Variants in ZNF710 observed in about 807,000 individuals in gnomAD.
The protein encoded by ZNF710 is zinc finger protein 710.
In ZNF710, 13 loss-of-function variants were observed where a neutral mutation model predicts 50.6. The observed-to-expected ratio is 0.26, with a 90% CI of 0.17 to 0.41. The LOEUF (loss-of-function observed/expected upper bound fraction) is 0.41, where lower values mean the gene tolerates loss of function less well. ZNF710 is among the 10% of genes least tolerant of loss of function. The probability of loss-of-function intolerance (pLI) is 1.00; values close to 1 mark genes in which losing one functional copy is unlikely to be tolerated. For missense variants in ZNF710, 721 were observed against 936.6 expected, an observed-to-expected ratio of 0.77 and a Z score of 3.01; for synonymous variants, 383 against 397.0, an observed-to-expected ratio of 0.96 and a Z score of 0.42.
chr15:90,059,867 G>A lies in ZNF710; in HGVS notation c.-28-7243G>A, dbSNP rs908508668. On this transcript the variant is annotated intron_variant, in intron 1 of 4. Coordinates refer to ENST00000268154, the MANE Select transcript of ZNF710 (RefSeq NM_198526.4). This position sits in a 1 kb window ranked among gnomAD's most constrained non-coding sequence, Gnocchi z 4.1. The stretch of plus-strand genomic sequence containing the variant: ...AAATCCCGTGCATGTTTTTCACAGC[G>A]GGTGTACAGGCCTGGAACTTCCTCT... Among the ~76,000 whole-genome samples, 44 of 152,302 alleles carry A rather than the reference G, an allele frequency of 2.9e-4. No individual in the cohort carries two copies. Among genetic ancestry groups the A allele is most frequent in the African/African-American group, 8.2e-4 (34 of 41,566 alleles).
intron 1 of ZNF710, among the ~76,000 whole-genome samples, chr15:90,045,859 A>T (rs1199936441): frequency 6.6e-6 from 1 of 152,154 alleles, no homozygotes; most frequent in Non-Finnish European, 1.5e-5. Context: ...GCGAGGTAGC[A>T]GGGGCCAGGT....
intron 1 of ZNF710, among the ~76,000 whole-genome samples, chr15:90,047,064 G>A (rs1475629293): frequency 6.6e-6 from 1 of 152,228 alleles, no homozygotes; most frequent in Non-Finnish European, 1.5e-5. Flanking sequence ...CGCCCATGAA[G>A]ATGCCCACGC....
At chr15:90,004,237 A>AT (rs1361703231) in intron 1 of ZNF710, among the ~76,000 whole-genome samples, 1 of 152,104 alleles carries the variant, frequency 6.6e-6, no homozygotes, top group Non-Finnish European at 1.5e-5. Flanking sequence ...ACCACCAGAG[A>AT]TTTTGCACTT....
At chr15:90,041,484 G>T (rs530544524) in intron 1 of ZNF710, among the ~76,000 whole-genome samples, 1 of 152,244 alleles carries the variant, frequency 6.6e-6, no homozygotes, top group Admixed American at 6.5e-5. Context: ...GAGCCACTGG[G>T]CCTGGCCACC....
rs11285838 is a variant in ZNF710 at position 90,019,187 on chromosome 15, C to CTTTTTTTTTTTTTTTTTTTTTT, written c.-29+17574_-29+17595dup. ...TGTACCATCTTATTACTTTTTCTTT[C>CTTTTTTTTTTTTTTTTTTTTTT]TTTTTTTTTTTTTTTTTTTTTTGCT... On this transcript the variant is annotated intron_variant, in intron 1 of 4. Transcript: ENST00000268154. 6.7e-4 allele frequency among the ~76,000 whole-genome samples: 60 copies of CTTTTTTTTTTTTTTTTTTTTTT among 89,398 alleles called. 1 individual carries two copies. The highest frequency in any genetic ancestry group is 1.6e-3 in the African/African-American group (36 of 22,412). The allele number at this position is 89,398 out of a possible 152,430, so 58.6% of individuals were successfully genotyped here.
intron 1 of ZNF710, among the ~76,000 whole-genome samples, chr15:90,063,218 G>A (rs933778229): frequency 6.6e-6 from 1 of 152,188 alleles, no homozygotes; most frequent in African/African-American, 2.4e-5. Context: ...CTCCGCGGGT[G>A]CATAGCTGCA....
At chr15:90,063,812 G>A (rs942481747) in intron 1 of ZNF710, among the ~76,000 whole-genome samples, 4 of 152,208 alleles carry the variant, frequency 2.6e-5, no homozygotes, top group Non-Finnish European at 5.9e-5. Flanking sequence ...CCTTATGCCC[G>A]CGCCCTTGAG....
At chr15:90,074,758 A>G (rs1008051844) in intron 4 of ZNF710, 9 of 337,274 alleles carry the variant, frequency 2.7e-5, no homozygotes, top group Non-Finnish European at 4.5e-5. Flanking sequence ...AGAAAGGGGA[A>G]AAAATGGCAG....
chr15:90,003,425 A>G (rs1247528316), intron 1 of ZNF710, among the ~76,000 whole-genome samples: 1 of 152,232 alleles, frequency 6.6e-6, no homozygotes, highest in Non-Finnish European at 1.5e-5. Context: ...TCACTCAGCC[A>G]GCTTTGAAGC....
At chr15:90,014,763 A>G (rs1036091656) in intron 1 of ZNF710, among the ~76,000 whole-genome samples, 2 of 152,124 alleles carry the variant, frequency 1.3e-5, no homozygotes, top group Non-Finnish European at 2.9e-5. Flanking sequence ...CCATCATAAA[A>G]TCAAAGGAGT....
At position 90,009,392 on chromosome 15, in the gene ZNF710, C is replaced by T. The variant is rs575186288; in HGVS notation, c.-29+7778C>T. Reference sequence around the variant, plus strand: ...GGGCTCACAAGCCATCGCTTCCCATCGTGGCTCCATTCTGTAGCTGCAAAT... The same window carrying T: ...GGGCTCACAAGCCATCGCTTCCCATTGTGGCTCCATTCTGTAGCTGCAAAT... On this transcript the variant is annotated intron_variant, in intron 1 of 4. Coordinates refer to ENST00000268154, the MANE Select transcript of ZNF710 (RefSeq NM_198526.4). Among the ~76,000 whole-genome samples, 63 of 152,190 alleles carry T rather than the reference C, an allele frequency of 4.1e-4. 1 individual carries two copies. The highest frequency in any genetic ancestry group is 1.3e-3 in the African/African-American group (53 of 41,512).
At position 90,068,786 on chromosome 15, in the gene ZNF710, T is replaced by C. The variant is rs1475318186; in HGVS notation, c.1458+191T>C. Among the ~76,000 whole-genome samples, 1 of 152,254 alleles carries C rather than the reference T, an allele frequency of 6.6e-6. No individual in the cohort carries two copies. Among genetic ancestry groups the C allele is most frequent in the African/African-American group, 2.4e-5 (1 of 41,470 alleles). On this transcript the variant is annotated intron_variant, in intron 2 of 4. Coordinates refer to ENST00000268154, the MANE Select transcript of ZNF710 (RefSeq NM_198526.4). This position sits in a 1 kb window ranked among gnomAD's most constrained non-coding sequence, Gnocchi z 5.0. ...AAATTAGTTTTTTAAGTAGTAAAGC[T>C]TTATGCATTCAAAAACATGTATTTG...
intron 2 of ZNF710, among the ~76,000 whole-genome samples, chr15:90,070,577 G>A (rs1353274947): frequency 6.6e-6 from 1 of 150,946 alleles, no homozygotes; most frequent in Non-Finnish European, 1.5e-5. Flanking sequence ...AACCCAGGAG[G>A]CAGAGATTCC....
At chr15:90,075,827 A>G (rs1483882595) in intron 4 of ZNF710, 1 of 152,196 alleles carries the variant, frequency 6.6e-6, no homozygotes, top group East Asian at 1.9e-4. Flanking sequence ...TGCTACTCAA[A>G]ATGTGGTAGG....
At chr15:90,075,357 C>T (rs552427320) in intron 4 of ZNF710, 1 of 152,290 alleles carries the variant, frequency 6.6e-6, no homozygotes, top group African/African-American at 2.4e-5. Context: ...CTGGTCTCTA[C>T]AAAAATATTT....
At position 90,011,080 on chromosome 15, in the gene ZNF710, G is replaced by A. The variant is rs143624785; in HGVS notation, c.-29+9466G>A. Among the ~76,000 whole-genome samples, 309 of 152,046 alleles carry A rather than the reference G, an allele frequency of 2.0e-3. 2 individuals carry two copies. The highest frequency in any genetic ancestry group is 7.2e-3 in the African/African-American group (300 of 41,464). On this transcript the variant is annotated intron_variant, in intron 1 of 4. Transcript: ENST00000268154. Reference sequence around the variant, plus strand: ...CAAATAGCTGGGATTACAGGCATGTGCCACCATGCCTGGCTAATCTTTGTA... The same window carrying A: ...CAAATAGCTGGGATTACAGGCATGTACCACCATGCCTGGCTAATCTTTGTA...
intron 1 of ZNF710, among the ~76,000 whole-genome samples, chr15:90,046,035 C>T (rs999793797): frequency 2.2e-4 from 34 of 152,058 alleles, no homozygotes; most frequent in Admixed American, 8.5e-4. Context: ...GTGGGGCTCC[C>T]GTCCAGCCAG....
rs76649664 is a variant in ZNF710 at position 90,032,092 on chromosome 15, G to A, written c.-29+30478G>A. ...GCTCACTGCAACCTCTGGCTCCCAG[G>A]TTCAAGCAATTCTCTTGCCCTCAGC... is the stretch of plus-strand genomic sequence containing the variant. On this transcript the variant is annotated intron_variant, in intron 1 of 4. Coordinates refer to ENST00000268154, the MANE Select transcript of ZNF710 (RefSeq NM_198526.4). Among the ~76,000 whole-genome samples, 11 of 152,360 alleles carry A rather than the reference G, an allele frequency of 7.2e-5. No individual in the cohort carries two copies. In the East Asian group the frequency reaches 2.1e-3, roughly 29 times the overall value.
chr15:90,024,542 G>A (rs1041779491), intron 1 of ZNF710, among the ~76,000 whole-genome samples: 3 of 152,266 alleles, frequency 2.0e-5, no homozygotes, highest in South Asian at 2.1e-4. Context: ...GGCAGTAGAT[G>A]TGTGGGGAAG....
Sources: gnomAD v4.1 joint callset for allele counts (sites outside exome capture counted in the v4.1 genomes callset) on GRCh38, gnomAD v4.1.1 for gene constraint, Gnocchi (gnomAD v3.1) non-coding constraint, MANE v1.5 for transcripts, NCBI Gene and HGNC (gene_info 2026-07-23, HGNC 2026-07-21) for gene names.